PEBP4: variants seen among roughly 807,000 people sequenced by gnomAD.
PEBP4 encodes phosphatidylethanolamine binding protein 4, also known as phosphatidylethanolamine-binding protein 4.
A neutral mutation model predicts 23.9 loss-of-function variants in PEBP4; 22 were observed. The ratio of observed to expected loss-of-function variants is 0.92; its 90% CI spans 0.66 to 1.31. The LOEUF (loss-of-function observed/expected upper bound fraction) is 1.31. PEBP4 is among the 40% of genes most tolerant of loss of function. The pLI, the probability that PEBP4 is intolerant of heterozygous loss-of-function variation, is 0.00. For synonymous variants in PEBP4, 112 were observed against 99.3 expected, an observed-to-expected ratio of 1.13 and a Z score of -0.76; for missense variants, 324 against 281.7, an observed-to-expected ratio of 1.15 and a Z score of -1.07.
intron 3 of PEBP4, among the ~76,000 whole-genome samples, chr8:22,819,953 T>C (rs923786876): frequency 6.6e-6 from 1 of 152,060 alleles, no homozygotes; most frequent in Admixed American, 6.6e-5. Flanking sequence ...CCAATGGAAA[T>C]GGTCCAGTAT....
chr8:22,922,336 C>T (rs761681514), intron 2 of PEBP4, among the ~76,000 whole-genome samples: 11 of 152,100 alleles, frequency 7.2e-5, no homozygotes, highest in East Asian at 3.9e-4. Context: ...TGGTAACCAA[C>T]AATTCTGATG....
rs141233808 is a variant in PEBP4 at position 22,818,802 on chromosome 8, A to T, written c.259-1067T>A. On this transcript the variant is annotated intron_variant, in intron 3 of 6. Transcript: ENST00000256404. ...GATGGCAGAAATGGAGACAGAAACA[A>T]ATAGATGGGTTGGGGGAGTATTTTT... Among the ~76,000 whole-genome samples the T allele has an allele frequency of 7.4e-4, 113 of 152,246 alleles. 1 individual carries two copies. The East Asian group carries it at 0.016, about 21-fold the overall frequency.
intron 4 of PEBP4, among the ~76,000 whole-genome samples, chr8:22,804,921 C>T (rs1037757425): frequency 6.6e-6 from 1 of 152,192 alleles, no homozygotes; most frequent in Non-Finnish European, 1.5e-5. Context: ...GTTCCCTCGG[C>T]CCGGCTGCCC....
In PEBP4 at chr8:22,784,244, G is replaced by C. The variant is rs943243640; in HGVS notation, c.357+33393C>G. Among the ~76,000 whole-genome samples the C allele has an allele frequency of 1.1e-4, 17 of 152,178 alleles. 1 individual carries two copies. Among genetic ancestry groups the C allele is most frequent in the Admixed American group, 9.8e-4 (15 of 15,280 alleles). On this transcript the variant is annotated intron_variant, in intron 4 of 6. Transcript: ENST00000256404. ...GTAGATGATGATATGTAAGTGGAGA[G>C]GGTGTCAGGGTTGAAGGAAGCTATG...
chr8:22,912,551 T>G (rs1808961559), intron 3 of PEBP4, among the ~76,000 whole-genome samples: 1 of 152,188 alleles, frequency 6.6e-6, no homozygotes, highest in African/African-American at 2.4e-5. Context: ...TTCTCCCACT[T>G]CCCAGGTTTG....
intron 4 of PEBP4, 54 bp from the exon 5 acceptor site, chr8:22,727,274 C>T: frequency 1.3e-6 from 2 of 1,572,258 alleles, no homozygotes; most frequent in East Asian, 2.2e-5. Context: ...CACTTCAGGC[C>T]ACGTGGGCTC....
At position 22,776,788 on chromosome 8, in the gene PEBP4, T is replaced by G. The variant is rs374933512; in HGVS notation, c.357+40849A>C. On this transcript the variant is annotated intron_variant, in intron 4 of 6. Transcript: ENST00000256404. Reference sequence around the variant, plus strand: ...TAAGCCATTTTTTTCTGATCGGGCATCCGAGATATTGGTCAATGAATCCCA... The same window carrying G: ...TAAGCCATTTTTTTCTGATCGGGCAGCCGAGATATTGGTCAATGAATCCCA... Among the ~76,000 whole-genome samples the G allele has an allele frequency of 2.8e-4, 41 of 148,274 alleles. No homozygotes were observed. In the South Asian group the frequency reaches 9.3e-3, roughly 34 times the overall value.
intron 4 of PEBP4, among the ~76,000 whole-genome samples, chr8:22,751,604 GTGTGTC>G (rs1185885837): frequency 7.5e-6 from 1 of 132,566 alleles, no homozygotes; most frequent in African/African-American, 2.7e-5. Flanking sequence ...GTGTGTGTGT[GTGTGTC>G]TGTGTGTGTG....
At chr8:22,902,914 T>G (rs1199164519) in intron 3 of PEBP4, among the ~76,000 whole-genome samples, 1 of 152,184 alleles carries the variant, frequency 6.6e-6, no homozygotes, top group Admixed American at 6.5e-5. Context: ...AGCATAGCCT[T>G]GCGTTCCCAC....
intron 2 of PEBP4, among the ~76,000 whole-genome samples, chr8:22,922,437 A>G (rs1381475079): frequency 6.6e-6 from 1 of 151,800 alleles, no homozygotes; most frequent in African/African-American, 2.4e-5. Context: ...TAAATTTTGC[A>G]TTCAAGACTA....
chr8:22,743,150 T>G (rs1313659396), intron 4 of PEBP4, among the ~76,000 whole-genome samples: 1 of 152,104 alleles, frequency 6.6e-6, no homozygotes, highest in Non-Finnish European at 1.5e-5. Context: ...TTATCAGTGC[T>G]TCCTTGGGCT....
chr8:22,840,531 C>T (rs1032274777), intron 3 of PEBP4, among the ~76,000 whole-genome samples: 8 of 151,924 alleles, frequency 5.3e-5, no homozygotes, highest in African/African-American at 1.9e-4. Flanking sequence ...CATAAGCCAC[C>T]GTGCCCAGCC....
At chr8:22,717,035 C>T (rs1804431601) in intron 6 of PEBP4, among the ~76,000 whole-genome samples, 1 of 152,208 alleles carries the variant, frequency 6.6e-6, no homozygotes, top group South Asian at 2.1e-4. Flanking sequence ...AGGTCCCCAC[C>T]CCTAGTGACA....
intron 4 of PEBP4, among the ~76,000 whole-genome samples, chr8:22,788,095 A>T (rs1465279149): frequency 6.6e-6 from 1 of 151,672 alleles, no homozygotes. Context: ...GGGAAGGGGG[A>T]TGCTGGGAGA....
At chr8:22,916,662 TCATTCATG>T (rs773507145) in intron 3 of PEBP4, among the ~76,000 whole-genome samples, 1,827 of 152,286 alleles carry the variant, frequency 0.012, 48 homozygotes, top group African/African-American at 0.04. Flanking sequence ...ATTCATTCAT[TCATTCATG>T]CATTCATGCA....
At chr8:22,851,310 G>C (rs1807544127) in intron 3 of PEBP4, among the ~76,000 whole-genome samples, 1 of 152,100 alleles carries the variant, frequency 6.6e-6, no homozygotes, top group Non-Finnish European at 1.5e-5. Context: ...CCAGTTATTG[G>C]GGCACTGAAT....
rs535192292 is a variant in PEBP4, at chr8:22,830,574, C to T, written c.259-12839G>A. Among the ~76,000 whole-genome samples, 18 of 152,306 alleles carry T rather than the reference C, an allele frequency of 1.2e-4. No homozygotes were observed. In the South Asian group the frequency reaches 2.7e-3, roughly 23 times the overall value. On this transcript the variant is annotated intron_variant, in intron 3 of 6. Coordinates refer to ENST00000256404, the MANE Select transcript of PEBP4 (RefSeq NM_144962.3). ...TGTCCAATGACCCACTTTCCATCTTCCTTTGGCTGTTTCAGAGCACCTCAC... is the reference window on the plus strand; with the variant it reads ...TGTCCAATGACCCACTTTCCATCTTTCTTTGGCTGTTTCAGAGCACCTCAC...
chr8:22,924,420 G>A (rs563988935), intron 2 of PEBP4, among the ~76,000 whole-genome samples: 3 of 152,136 alleles, frequency 2.0e-5, no homozygotes, highest in Non-Finnish European at 2.9e-5. Context: ...TTGAAGGACT[G>A]GGGATGACTG....
intron 4 of PEBP4, among the ~76,000 whole-genome samples, chr8:22,813,971 GC>G (rs1806688570): frequency 6.6e-6 from 1 of 152,188 alleles, no homozygotes; most frequent in Non-Finnish European, 1.5e-5. Context: ...TGAGGGCAGA[GC>G]CTTCCTCAAT....
Sources: gnomAD v4.1 joint callset for allele counts (sites outside exome capture counted in the v4.1 genomes callset) on GRCh38, gnomAD v4.1.1 for gene constraint, MANE v1.5 for transcripts, NCBI Gene and HGNC (gene_info 2026-07-23, HGNC 2026-07-21) for gene names.